Variants in CDH8 observed in about 807,000 individuals in gnomAD.
The protein encoded by CDH8 is cadherin 8.
A neutral mutation model predicts 68.1 loss-of-function variants in CDH8; 17 were observed. The observed-to-expected ratio is 0.25, with a 90% CI of 0.17 to 0.37. CDH8 has a LOEUF of 0.37. CDH8 is among the 10% of genes least tolerant of loss of function. The pLI is 1.00. For synonymous variants in CDH8, 372 were observed against 365.1 expected, an observed-to-expected ratio of 1.02 and a Z score of -0.21; for missense variants, 763 against 999.3, an observed-to-expected ratio of 0.76 and a Z score of 3.19.
At chr16:62,027,068 A>C (rs1653361401) in intron 1 of CDH8, among the ~76,000 whole-genome samples, 1 of 152,230 alleles carries the variant, frequency 6.6e-6, no homozygotes, top group African/African-American at 2.4e-5. Flanking sequence ...TGTCTGACAA[A>C]GCAATCTACT....
At chr16:61,830,976 T>A (rs1382978301) in intron 4 of CDH8, among the ~76,000 whole-genome samples, 1 of 151,812 alleles carries the variant, frequency 6.6e-6, no homozygotes, top group Admixed American at 6.6e-5. Context: ...CATAATCAGC[T>A]AGCCTTGGAC....
intron 2 of CDH8, among the ~76,000 whole-genome samples, chr16:61,962,493 T>C (rs371347502): frequency 1.9e-4 from 29 of 152,314 alleles, no homozygotes; most frequent in Admixed American, 1.1e-3. Flanking sequence ...CATCACATGA[T>C]CTGCATGAAC....
chr16:61,918,412 T>C, intron 2 of CDH8: 1 of 154,844 alleles, frequency 6.5e-6, no homozygotes, highest in Non-Finnish European at 1.4e-5. Flanking sequence ...ACCCGGTTCA[T>C]CTCACTAGGG....
intron 10 of CDH8, among the ~76,000 whole-genome samples, chr16:61,659,395 G>A (rs947042269): frequency 6.6e-6 from 1 of 152,166 alleles, no homozygotes; most frequent in African/African-American, 2.4e-5. Context: ...GAACACAGGG[G>A]TCCCTCTCCC....
chr16:61,889,410 A>T (rs1963735246), intron 3 of CDH8, among the ~76,000 whole-genome samples: 1 of 152,166 alleles, frequency 6.6e-6, no homozygotes, highest in African/African-American at 2.4e-5. Context: ...AAAGTTAAAG[A>T]AATAATAACA....
At position 61,713,900 on chromosome 16, in the gene CDH8, A is replaced by G. The variant is rs773874947; in HGVS notation, c.1595T>C (p.Leu532Ser). The G allele has an allele frequency of 6.8e-6, 11 of 1,609,782 alleles. No individual in the cohort carries two copies. In the East Asian group the frequency reaches 1.8e-4, roughly 26 times the overall value. Reference protein sequence around the residue: ...KDDPKNGHYFLYSLLPEMVNN... With the variant: ...KDDPKNGHYFSYSLLPEMVNN... ...GACCATTTCTGGAAGGAGACTGTAT[A>G]AGAAATAATGTCCGTTTTTGGGATC... The change falls in exon 10 of 12, where the codon TTA becomes TCA. Residue 532 changes from leucine (L) to serine (S), a missense_variant. Around this residue, in one of 2 missense-constraint regions of CDH8, gnomAD observed 397 missense variants for 436.2 expected, o/e 0.91. Transcript: ENST00000577390.
At chr16:61,882,866 T>C (rs1040988310) in intron 3 of CDH8, among the ~76,000 whole-genome samples, 8 of 152,208 alleles carry the variant, frequency 5.3e-5, no homozygotes, top group African/African-American at 9.6e-5. Context: ...CTTGCACATG[T>C]ACCCCTGAAC....
At chr16:61,719,994 AACACAC>A (rs10595910) in intron 9 of CDH8, among the ~76,000 whole-genome samples, 46 of 147,058 alleles carry the variant, frequency 3.1e-4, no homozygotes, top group South Asian at 6.4e-4. Context: ...CTTATTAGGT[AACACAC>A]ACACACACAC....
intron 2 of CDH8, among the ~76,000 whole-genome samples, chr16:61,903,887 C>T (rs1328310017): frequency 6.6e-6 from 1 of 151,916 alleles, no homozygotes; most frequent in South Asian, 2.1e-4. Context: ...AATCCCAGTT[C>T]CAATGTAAGT....
At chr16:61,904,352 G>A (rs749225849) in intron 2 of CDH8, among the ~76,000 whole-genome samples, 3 of 151,934 alleles carry the variant, frequency 2.0e-5, no homozygotes, top group Non-Finnish European at 4.4e-5. Flanking sequence ...CCTGGTCAAC[G>A]TACGCCCCCT....
chr16:61,995,763 A>G (rs1466657914), intron 2 of CDH8, among the ~76,000 whole-genome samples: 2 of 152,208 alleles, frequency 1.3e-5, no homozygotes, highest in South Asian at 2.1e-4. Flanking sequence ...GCCTATAATC[A>G]TATGTAATAA....
intron 7 of CDH8, among the ~76,000 whole-genome samples, chr16:61,790,852 T>C (rs554031755): frequency 6.6e-6 from 1 of 151,922 alleles, no homozygotes; most frequent in Non-Finnish European, 1.5e-5. Flanking sequence ...AGCAAGTTAC[T>C]AGTTAGATAG....
At chr16:61,881,922 G>A (rs1963586191) in intron 3 of CDH8, among the ~76,000 whole-genome samples, 1 of 152,104 alleles carries the variant, frequency 6.6e-6, no homozygotes, top group Non-Finnish European at 1.5e-5. Flanking sequence ...GCCTAATCTT[G>A]GATCCCAGGT....
At chr16:61,679,917 C>A (rs1238943011) in intron 10 of CDH8, among the ~76,000 whole-genome samples, 1 of 151,946 alleles carries the variant, frequency 6.6e-6, no homozygotes, top group East Asian at 1.9e-4. Flanking sequence ...TAGAAAGTTC[C>A]TCATTGTATT....
intron 2 of CDH8, among the ~76,000 whole-genome samples, chr16:61,969,339 A>G (rs1229885802): frequency 6.6e-6 from 1 of 152,176 alleles, no homozygotes; most frequent in Non-Finnish European, 1.5e-5. Context: ...CATTGAACGG[A>G]TTCAGTGTAG....
chr16:61,685,108 T>C (rs1303621163), intron 10 of CDH8, among the ~76,000 whole-genome samples: 2 of 151,642 alleles, frequency 1.3e-5, no homozygotes, highest in Non-Finnish European at 2.9e-5. Flanking sequence ...GGTACATCTT[T>C]GGTCAATACA....
At chr16:61,740,050 G>A (rs958554343) in intron 8 of CDH8, among the ~76,000 whole-genome samples, 2 of 151,344 alleles carry the variant, frequency 1.3e-5, no homozygotes, top group African/African-American at 4.9e-5. Context: ...TGGGACTACA[G>A]GCGCATGCCA....
At chr16:62,028,256 TG>T (rs1902242675) in intron 1 of CDH8, among the ~76,000 whole-genome samples, 1 of 151,708 alleles carries the variant, frequency 6.6e-6, no homozygotes, top group Non-Finnish European at 1.5e-5. Context: ...TTAGTAAAGA[TG>T]GGGTTTCACC....
intron 2 of CDH8, among the ~76,000 whole-genome samples, chr16:61,997,078 ATTC>A (rs1286008584): frequency 1.3e-5 from 2 of 151,880 alleles, no homozygotes; most frequent in Admixed American, 6.6e-5. Flanking sequence ...AAAAAGAATA[ATTC>A]TTCTCCTTTA....
Sources: allele counts gnomAD v4.1 joint callset (sites outside exome capture counted in the v4.1 genomes callset), GRCh38; gene constraint gnomAD v4.1.1; regional missense constraint gnomAD v4.1.1; transcripts MANE v1.5; gene names NCBI Gene and HGNC (gene_info 2026-07-23, HGNC 2026-07-21).